CDC5L: variants seen among roughly 807,000 people sequenced by gnomAD.
CDC5L encodes cell division cycle 5 like.
Under a neutral mutation model 104.1 loss-of-function variants are expected in CDC5L, and 18 were observed. That is an observed-to-expected ratio of 0.17 (90% confidence interval 0.12 to 0.26). The LOEUF (loss-of-function observed/expected upper bound fraction) is 0.26, where lower values mean the gene tolerates loss of function less well. Ranked by LOEUF, CDC5L falls within the 10% of genes least tolerant of loss-of-function variation. CDC5L has a pLI of 1.00. For missense variants in CDC5L, 673 were observed against 956.9 expected, an observed-to-expected ratio of 0.70 and a Z score of 3.91; for synonymous variants, 331 against 322.7, an observed-to-expected ratio of 1.03 and a Z score of -0.28.
intron 14 of CDC5L, among the ~76,000 whole-genome samples, chr6:44,431,157 AC>A (rs1239669205): frequency 6.6e-6 from 1 of 152,184 alleles, no homozygotes; most frequent in Non-Finnish European, 1.5e-5. Flanking sequence ...TTTTAATTTA[AC>A]CATTAAGATC....
chr6:44,396,458 A>T lies in CDC5L; in HGVS notation c.539+18A>T, dbSNP rs758335548. The stretch of plus-strand genomic sequence containing the variant: ...GAAGCAAGGTATGTGTGGATATAGG[A>T]ATAAAAAGCAAAGTGTTTTTCTCAC... On this transcript the variant is annotated intron_variant, in intron 5 of 15. Transcript: ENST00000371477. The T allele has an allele frequency of 9.5e-6, 14 of 1,471,374 alleles. No individual in the cohort carries two copies. Among genetic ancestry groups the T allele is most frequent in the Non-Finnish European group, 1.3e-5 (14 of 1,061,334 alleles). 91.1% of individuals were successfully genotyped at this position (1,471,374 alleles called of 1,614,324 possible).
Position 44,422,820 on chromosome 6 carries a change from A to G in CDC5L, c.1404+11A>G, listed in dbSNP as rs769870120. ...TACGTGAAGCAGATGGTAAATGTCAATTCCCTTTTAATACTCTTAAATTTT... is the reference window on the plus strand; with the variant it reads ...TACGTGAAGCAGATGGTAAATGTCAGTTCCCTTTTAATACTCTTAAATTTT... On this transcript the variant is annotated intron_variant, in intron 10 of 15. Transcript: ENST00000371477. The G allele has an allele frequency of 6.9e-6, 11 of 1,583,254 alleles. No homozygotes were observed. The highest frequency in any genetic ancestry group is 4.5e-5 in the East Asian group (2 of 44,312).
intron 1 of CDC5L, among the ~76,000 whole-genome samples, chr6:44,388,093 C>T (rs909428725): frequency 4.0e-5 from 6 of 151,234 alleles, no homozygotes; most frequent in African/African-American, 9.8e-5. Context: ...GCTCCAAGCT[C>T]ACTTGTTAGG....
At chr6:44,438,150 A>C (rs538931603) in intron 14 of CDC5L, among the ~76,000 whole-genome samples, 2 of 152,140 alleles carry the variant, frequency 1.3e-5, no homozygotes, top group East Asian at 3.9e-4. Context: ...GTTTCACTCT[A>C]TTGTCCAGGT....
intron 14 of CDC5L, among the ~76,000 whole-genome samples, chr6:44,442,881 G>T (rs553425502): frequency 5.5e-4 from 84 of 152,240 alleles, no homozygotes; most frequent in African/African-American, 1.8e-3. Flanking sequence ...TCAGCTTGAA[G>T]AACTCCTTTT....
At chr6:44,440,714 T>G (rs1226279670) in intron 14 of CDC5L, among the ~76,000 whole-genome samples, 1 of 150,348 alleles carries the variant, frequency 6.7e-6, no homozygotes, top group Non-Finnish European at 1.5e-5. Context: ...AATCCTTTTT[T>G]TTTTTTTTTT....
intron 1 of CDC5L, among the ~76,000 whole-genome samples, chr6:44,389,643 T>C (rs1790503350): frequency 6.6e-6 from 1 of 152,058 alleles, no homozygotes; most frequent in Non-Finnish European, 1.5e-5. Flanking sequence ...AAATATGTAA[T>C]TCTTAGGTTA....
rs953974834 is a variant in CDC5L at position 44,447,047 on chromosome 6, T to C, written c.*336T>C. On this transcript the variant is annotated 3_prime_UTR_variant, in exon 16 of 16. Transcript: ENST00000371477. The stretch of plus-strand genomic sequence containing the variant: ...AAAACAAAATATAAAAAATTGAGAA[T>C]GTAGCCTTTTGTTTGAAGTAATTAG... The C allele has an allele frequency of 6.1e-6, 1 of 164,950 alleles. No homozygotes were observed. The highest frequency in any genetic ancestry group is 6.4e-5 in the Admixed American group (1 of 15,738). The allele number at this position is 164,950 out of a possible 1,614,324, so 10.2% of individuals were successfully genotyped here.
intron 14 of CDC5L, among the ~76,000 whole-genome samples, chr6:44,430,596 C>A (rs903743410): frequency 6.9e-6 from 1 of 145,146 alleles, no homozygotes; most frequent in African/African-American, 2.6e-5. Flanking sequence ...TTTTTTGAGA[C>A]CTAGTCTCAG....
At chr6:44,426,340 G>A in intron 12 of CDC5L, 142 bp from the exon 13 acceptor site, 1 of 753,558 alleles carries the variant, frequency 1.3e-6, no homozygotes, top group Non-Finnish European at 2.1e-6. Context: ...TGTTTCAGTA[G>A]TACCAGAAAG....
At chr6:44,406,141 A>G (rs1012678820) in intron 6 of CDC5L, among the ~76,000 whole-genome samples, 182 bp from the exon 7 acceptor site, 1 of 152,118 alleles carries the variant, frequency 6.6e-6, no homozygotes, top group Non-Finnish European at 1.5e-5. Flanking sequence ...ACCTCAGGTA[A>G]TCCACCCACC....
rs764902934 is a variant in CDC5L, at chr6:44,403,952, C to A, written c.683C>A (p.Ser228Tyr). ...KKPALGFYDT[S>Y]EENYQALDAD... The stretch of plus-strand genomic sequence containing the variant: ...CCTGCCCTTGGTTTTTATGATACTT[C>A]TGAGGAAAACTACCAAGCTCTTGAC... Residue 228 changes from serine (S) to tyrosine (Y), a missense_variant, in exon 6 of 16, where the codon TCT becomes TAT. Coordinates refer to ENST00000371477, the MANE Select transcript of CDC5L (RefSeq NM_001253.4). The A allele has an allele frequency of 1.7e-5, 28 of 1,613,646 alleles. No homozygotes were observed. The Admixed American group carries it at 3.0e-4, about 17-fold the overall frequency.
chr6:44,433,408 T>A (rs1412160775), intron 14 of CDC5L, among the ~76,000 whole-genome samples: 2 of 152,224 alleles, frequency 1.3e-5, no homozygotes, highest in Non-Finnish European at 2.9e-5. Flanking sequence ...TAGGAAATCA[T>A]CTGAAGACAT....
chr6:44,393,687 C>T (rs940100301), intron 4 of CDC5L, 114 bp downstream of exon 4: 2 of 1,077,384 alleles, frequency 1.9e-6, no homozygotes, highest in Admixed American at 2.6e-5. Context: ...TTTTTTGAGA[C>T]AAGGTCTTGC....
intron 8 of CDC5L, among the ~76,000 whole-genome samples, chr6:44,417,826 A>AC (rs1791973763): frequency 6.6e-6 from 1 of 152,194 alleles, no homozygotes; most frequent in Non-Finnish European, 1.5e-5. Flanking sequence ...AGAGATACTA[A>AC]TGAAGACTGG....
intron 8 of CDC5L, among the ~76,000 whole-genome samples, chr6:44,412,781 CTTTTTTT>C (rs397950082): frequency 9.4e-6 from 1 of 106,590 alleles, no homozygotes. Context: ...AGAATAATTT[CTTTTTTT>C]TTTTTTTTTT....
At chr6:44,414,654 A>T (rs1015191409) in intron 8 of CDC5L, among the ~76,000 whole-genome samples, 13 of 151,988 alleles carry the variant, frequency 8.6e-5, no homozygotes, top group African/African-American at 3.1e-4. Context: ...TATAATTGTA[A>T]GAGTTCTTTG....
rs1790463080 is a variant in CDC5L at position 44,388,686 on chromosome 6, T to TC, written c.45+818_45+819insC. ...ACATTTTATGGCTTCTTTTTTTTTTTTTTTTTACATCTTTTGCCTTCCTAG... is the reference window on the plus strand; with the variant it reads ...ACATTTTATGGCTTCTTTTTTTTTTTCTTTTTTACATCTTTTGCCTTCCTAG... On this transcript the variant is annotated intron_variant, in intron 1 of 15. Coordinates refer to ENST00000371477, the MANE Select transcript of CDC5L (RefSeq NM_001253.4). Among the ~76,000 whole-genome samples the TC allele has an allele frequency of 2.0e-5, 3 of 151,848 alleles. No homozygotes were observed. In the South Asian group the frequency reaches 6.2e-4, roughly 32 times the overall value.
At chr6:44,400,649 T>C (rs1275729605) in intron 5 of CDC5L, among the ~76,000 whole-genome samples, 3 of 152,228 alleles carry the variant, frequency 2.0e-5, no homozygotes, top group African/African-American at 7.2e-5. Context: ...CCCAAAGTCC[T>C]GGGATTACAG....
Sources: gnomAD v4.1 joint callset for allele counts (sites outside exome capture counted in the v4.1 genomes callset) on GRCh38, gnomAD v4.1.1 for gene constraint, MANE v1.5 for transcripts, NCBI Gene and HGNC (gene_info 2026-07-23, HGNC 2026-07-21) for gene names.